The following CSMD1 variants were observed in gnomAD, a reference collection of about 807,000 sequenced individuals.
The protein encoded by CSMD1 is CUB and Sushi multiple domains 1.
Under a neutral mutation model 417.5 loss-of-function variants are expected in CSMD1, and 213 were observed. The observed-to-expected ratio is 0.51, with a 90% CI of 0.46 to 0.57. The LOEUF (loss-of-function observed/expected upper bound fraction) is 0.57. Ranked by LOEUF, CSMD1 falls within the 20% of genes least tolerant of loss-of-function variation. The probability of loss-of-function intolerance (pLI) is 0.00; values close to 1 mark genes in which losing one functional copy is unlikely to be tolerated. For missense variants in CSMD1, 6,923 were observed against 4,529.7 expected (o/e 1.53, Z -15.17); for synonymous variants, 2,862 against 1,736.8 (o/e 1.65, Z -16.11).
At chr8:4,661,919 C>T (rs777435406) in intron 1 of CSMD1, among the ~76,000 whole-genome samples, 8 of 152,088 alleles carry the variant, frequency 5.3e-5, no homozygotes, top group African/African-American at 1.2e-4. Flanking sequence ...CAATCAGTAT[C>T]TTTTAATAGG....
Position 3,306,514 on chromosome 8 carries a change from G to T in CSMD1, c.3950+1181C>A, listed in dbSNP as rs542944819. 1.5e-3 allele frequency among the ~76,000 whole-genome samples: 231 copies of T among 152,252 alleles called. 1 individual carries two copies. Among genetic ancestry groups the T allele is most frequent in the Non-Finnish European group, 2.5e-4 (17 of 68,030 alleles). Reference sequence around the variant, plus strand: ...TCAGCTTCACGTATGTGTAGGAGGAGCTGAAGCAGCTGGGCTGATTCATTT... The same window carrying T: ...TCAGCTTCACGTATGTGTAGGAGGATCTGAAGCAGCTGGGCTGATTCATTT... On this transcript the variant is annotated intron_variant, in intron 25 of 69. Coordinates refer to ENST00000635120, the MANE Select transcript of CSMD1 (RefSeq NM_033225.6).
chr8:3,061,639 AC>A (rs1224107639), intron 49 of CSMD1, among the ~76,000 whole-genome samples: 1 of 152,106 alleles, frequency 6.6e-6, no homozygotes, highest in African/African-American at 2.4e-5. Flanking sequence ...TAAAGCACTG[AC>A]CCCATGACTC....
chr8:4,162,428 A>G (rs566604598), intron 3 of CSMD1, among the ~76,000 whole-genome samples: 137 of 152,346 alleles, frequency 9.0e-4, no homozygotes, highest in African/African-American at 3.1e-3. Context: ...AACTGATAAA[A>G]TAATAAACAG....
At chr8:4,432,866 G>C (rs1011555636) in intron 2 of CSMD1, among the ~76,000 whole-genome samples, 2 of 152,138 alleles carry the variant, frequency 1.3e-5, no homozygotes, top group East Asian at 1.9e-4. Context: ...CTCCAACCGC[G>C]AGCCACGAAT....
intron 5 of CSMD1, among the ~76,000 whole-genome samples, chr8:3,900,338 G>C (rs549866810): frequency 6.6e-6 from 1 of 151,706 alleles, no homozygotes; most frequent in Non-Finnish European, 1.5e-5. Context: ...ACTACAGCTG[G>C]GTGACAGTGT....
At chr8:4,928,902 C>G (rs1807053407) in intron 1 of CSMD1, among the ~76,000 whole-genome samples, 1 of 152,024 alleles carries the variant, frequency 6.6e-6, no homozygotes, top group South Asian at 2.1e-4. Context: ...AACCCCATCT[C>G]AACTAAAAAT....
intron 1 of CSMD1, among the ~76,000 whole-genome samples, chr8:4,943,737 T>A (rs1054028425): frequency 2.0e-5 from 3 of 152,132 alleles, no homozygotes; most frequent in Non-Finnish European, 4.4e-5. Flanking sequence ...TCCATCATGA[T>A]GTGATAAGCA....
intron 4 of CSMD1, among the ~76,000 whole-genome samples, chr8:4,006,019 T>C (rs1002250432): frequency 6.6e-6 from 1 of 152,028 alleles, no homozygotes; most frequent in Non-Finnish European, 1.5e-5. Context: ...GAAAACACAA[T>C]ATTTAGGACA....
At chr8:3,523,957 GCA>G (rs1254405629) in intron 10 of CSMD1, among the ~76,000 whole-genome samples, 2 of 130,002 alleles carry the variant, frequency 1.5e-5, no homozygotes, top group African/African-American at 5.9e-5. Context: ...GCATACACAT[GCA>G]CACTTACACA....
intron 1 of CSMD1, among the ~76,000 whole-genome samples, chr8:4,698,047 G>C (rs534573749): frequency 6.6e-6 from 1 of 151,702 alleles, no homozygotes. Flanking sequence ...TAATTGGAAG[G>C]GTTCATCAAA....
At chr8:4,777,140 G>A (rs1019641929) in intron 1 of CSMD1, among the ~76,000 whole-genome samples, 1 of 152,170 alleles carries the variant, frequency 6.6e-6, no homozygotes, top group Non-Finnish European at 1.5e-5. Flanking sequence ...GCTCCACATT[G>A]AGACGGATAA....
At chr8:3,116,418 T>A (rs928700199) in intron 42 of CSMD1, among the ~76,000 whole-genome samples, 2 of 152,178 alleles carry the variant, frequency 1.3e-5, no homozygotes, top group Non-Finnish European at 2.9e-5. Context: ...CTGGAATATA[T>A]TGACATATCC....
chr8:4,126,873 C>A (rs1003230577), intron 3 of CSMD1, among the ~76,000 whole-genome samples: 5 of 152,142 alleles, frequency 3.3e-5, no homozygotes, highest in Admixed American at 1.3e-4. Context: ...CCCAGGACCA[C>A]AGCATCTGTC....
chr8:4,547,684 A>G (rs1280125750), intron 2 of CSMD1, among the ~76,000 whole-genome samples: 3 of 152,246 alleles, frequency 2.0e-5, no homozygotes, highest in Non-Finnish European at 2.9e-5. Context: ...TGTATGAGAA[A>G]TGGTAAATTA....
At chr8:3,108,561 T>C (rs1359459464) in intron 44 of CSMD1, 42 bp downstream of exon 44, 9 of 1,603,890 alleles carry the variant, frequency 5.6e-6, no homozygotes, top group Non-Finnish European at 7.7e-6. Flanking sequence ...AAACACCACA[T>C]GGAATTCTCA....
chr8:4,246,510 G>A lies in CSMD1; in HGVS notation c.415+173443C>T, dbSNP rs144704290. 2.4e-3 allele frequency among the ~76,000 whole-genome samples: 364 copies of A among 152,198 alleles called. 2 individuals are homozygous for A. The highest frequency in any genetic ancestry group is 8.5e-3 in the African/African-American group (353 of 41,538). On this transcript the variant is annotated intron_variant, in intron 3 of 69. Transcript: ENST00000635120. ...TAAGAGTTTTTAAAGAAAATTGTAA[G>A]ACCCTTGTGAAAATTACTTTTTTTA... is the stretch of plus-strand genomic sequence containing the variant.
At chr8:4,537,209 T>C (rs1235619697) in intron 2 of CSMD1, among the ~76,000 whole-genome samples, 2 of 152,318 alleles carry the variant, frequency 1.3e-5, no homozygotes, top group Middle Eastern at 3.4e-3. Flanking sequence ...AAGGGAAATA[T>C]AATTTAAAAT....
intron 1 of CSMD1, among the ~76,000 whole-genome samples, chr8:4,857,852 C>G (rs1170790649): frequency 1.3e-5 from 2 of 151,966 alleles, no homozygotes; most frequent in Admixed American, 6.6e-5. Flanking sequence ...GGAACTGGTA[C>G]CATTCCTTCT....
At chr8:4,474,699 T>C (rs2130079278) in intron 2 of CSMD1, among the ~76,000 whole-genome samples, 1 of 152,164 alleles carries the variant, frequency 6.6e-6, no homozygotes, top group South Asian at 2.1e-4. Flanking sequence ...ACTGAGCAGT[T>C]TACTCCCACG....
Sources: gnomAD v4.1 joint callset for allele counts (sites outside exome capture counted in the v4.1 genomes callset) on GRCh38, gnomAD v4.1.1 for gene constraint, MANE v1.5 for transcripts, NCBI Gene and HGNC (gene_info 2026-07-23, HGNC 2026-07-21) for gene names.